Variants in CAPN13 observed in about 807,000 individuals in gnomAD.
The protein encoded by CAPN13 is calpain 13.
In CAPN13, 90 loss-of-function variants were observed where a neutral mutation model predicts 98.4. The ratio of observed to expected loss-of-function variants is 0.92; its 90% confidence interval spans 0.77 to 1.09. CAPN13 has a LOEUF of 1.09. Ranked by LOEUF, CAPN13 falls within the 50% of genes least tolerant of loss-of-function variation. The probability of loss-of-function intolerance (pLI) is 0.00; values close to 1 mark genes in which losing one functional copy is unlikely to be tolerated. For missense variants in CAPN13, 887 were observed against 841.3 expected (o/e 1.05, Z -0.67); for synonymous variants, 330 against 305.5 (o/e 1.08, Z -0.84).
chr2:30,775,005 T>C (rs1230194244), intron 4 of CAPN13, among the ~76,000 whole-genome samples: 1 of 152,204 alleles, frequency 6.6e-6, no homozygotes, highest in Non-Finnish European at 1.5e-5. Context: ...TCTGAGGTTC[T>C]AGCTAATGTG....
At chr2:30,796,611 TAGC>T (rs1674897277) in intron 1 of CAPN13, among the ~76,000 whole-genome samples, 2 of 152,132 alleles carry the variant, frequency 1.3e-5, no homozygotes, top group Admixed American at 1.3e-4. Context: ...ACCAAGCAGA[TAGC>T]AGAATCAAAA....
chr2:30,769,958 C>T (rs1673313829), intron 5 of CAPN13, among the ~76,000 whole-genome samples: 1 of 152,228 alleles, frequency 6.6e-6, no homozygotes. Flanking sequence ...CACCTCCACA[C>T]AGCCTCAGCC....
intron 2 of CAPN13, among the ~76,000 whole-genome samples, chr2:30,779,933 C>A (rs997436603): frequency 6.6e-6 from 1 of 152,032 alleles, no homozygotes; most frequent in Non-Finnish European, 1.5e-5. Flanking sequence ...ATAGACCCAA[C>A]CTTTGGCAAA....
At chr2:30,755,163 G>C (rs548529249) in intron 8 of CAPN13, among the ~76,000 whole-genome samples, 104 of 149,078 alleles carry the variant, frequency 7.0e-4, no homozygotes, top group African/African-American at 2.5e-3. Context: ...TGCTCCCCCT[G>C]CACCTGGCGC....
rs116817110 is a variant in CAPN13 at position 30,737,777 on chromosome 2, G to A, written c.1653+458C>T. Reference sequence around the variant, plus strand: ...AAATAGTTCCCAACGGTGCTATAAAGGGGCGGTTTAGGATAAGGTTAGAGC... The same window carrying A: ...AAATAGTTCCCAACGGTGCTATAAAAGGGCGGTTTAGGATAAGGTTAGAGC... On this transcript the variant is annotated intron_variant, in intron 17 of 22. Coordinates refer to ENST00000295055, the MANE Select transcript of CAPN13 (RefSeq NM_144575.3). 4.7e-3 allele frequency: 786 copies of A among 166,964 alleles called. 11 individuals are homozygous for A. The highest frequency in any genetic ancestry group is 0.018 in the African/African-American group (741 of 42,094). 10.3% of individuals were successfully genotyped at this position (166,964 alleles called of 1,614,324 possible).
At chr2:30,781,429 A>G (rs1283302717) in intron 2 of CAPN13, among the ~76,000 whole-genome samples, 1 of 152,104 alleles carries the variant, frequency 6.6e-6, no homozygotes, top group African/African-American at 2.4e-5. Context: ...TTGGCTAAAC[A>G]TTACTTCTGG....
intron 22 of CAPN13, chr2:30,729,916 G>C (rs1188228839): frequency 6.6e-6 from 1 of 152,234 alleles, no homozygotes; most frequent in Non-Finnish European, 1.5e-5. Flanking sequence ...AATAATTAAA[G>C]AAGACAGGCT....
At chr2:30,737,918 T>C (rs1486994050) in intron 17 of CAPN13, 9 of 381,810 alleles carry the variant, frequency 2.4e-5, no homozygotes, top group East Asian at 5.6e-5. Context: ...TACTGTATTA[T>C]GAGATGATAC....
At position 30,770,442 on chromosome 2, in the gene CAPN13, T is replaced by A. The variant is rs200944264; in HGVS notation, c.395A>T (p.Gln132Leu). 1,249 of 1,613,688 alleles carry A rather than the reference T, an allele frequency of 7.7e-4. No individual in the cohort carries two copies. Among genetic ancestry groups the A allele is most frequent in the Non-Finnish European group, 1.0e-3 (1,194 of 1,179,750 alleles). ...CACCACTTCCACCCACTGGCCACAT[T>A]GCCAGAACTGGAAGAGAGCCAAGCA... ...YAGIFRFRFWQCGQWVEVVID... is the reference protein window; with the variant it reads ...YAGIFRFRFWLCGQWVEVVID... The change falls in exon 5 of 23, where the codon CAA becomes CTA. Residue 132 changes from glutamine to leucine, a missense_variant. Gln to Leu is a moderately radical substitution (Grantham distance 113). Coordinates refer to ENST00000295055, the MANE Select transcript of CAPN13 (RefSeq NM_144575.3).
chr2:30,800,859 A>G (rs1399715706), intron 1 of CAPN13, among the ~76,000 whole-genome samples: 1 of 152,198 alleles, frequency 6.6e-6, no homozygotes, highest in East Asian at 1.9e-4. Context: ...ACTATATTCT[A>G]AGGATGAGGT....
chr2:30,786,189 T>C (rs1314238423), intron 2 of CAPN13, among the ~76,000 whole-genome samples: 1 of 152,204 alleles, frequency 6.6e-6, no homozygotes, highest in Non-Finnish European at 1.5e-5. Context: ...CTACCTTCAC[T>C]TTATGGGAAG....
chr2:30,775,462 CT>C (rs1411338861), intron 4 of CAPN13, among the ~76,000 whole-genome samples: 4 of 151,332 alleles, frequency 2.6e-5, no homozygotes, highest in African/African-American at 9.8e-5. Context: ...ATCACAGTGG[CT>C]TTTTTTAAAA....
Position 30,736,651 on chromosome 2 carries a change from G to C in CAPN13, c.1654-80C>G, listed in dbSNP as rs549402258. 2.3e-5 allele frequency: 30 copies of C among 1,317,384 alleles called. No individual in the cohort carries two copies. In the African/African-American group the frequency reaches 3.8e-4, roughly 16 times the overall value. The allele number at this position is 1,317,384 out of a possible 1,614,324, so 81.6% of individuals were successfully genotyped here. On this transcript the variant is annotated intron_variant, in intron 17 of 22. Coordinates refer to ENST00000295055, the MANE Select transcript of CAPN13 (RefSeq NM_144575.3). ...CATCCTGCCAACAAAGCCAGAGCAG[G>C]CCCATTCATCACTAGCAACACAGCT... is the stretch of plus-strand genomic sequence containing the variant.
intron 15 of CAPN13, among the ~76,000 whole-genome samples, chr2:30,740,071 C>CATTGTATTAGG: frequency 7.0e-6 from 1 of 143,304 alleles, no homozygotes; most frequent in African/African-American, 2.6e-5. Flanking sequence ...AGTATCAAGT[C>CATTGTATTAGG]ATTGTATTAG....
At position 30,743,578 on chromosome 2, in the gene CAPN13, C is replaced by G; in HGVS notation, c.1250G>C (p.Arg417Pro). The G allele has an allele frequency of 6.2e-7, 1 of 1,613,870 alleles. No individual in the cohort carries two copies. The highest frequency in any genetic ancestry group is 8.5e-7 in the Non-Finnish European group (1 of 1,179,806). Residue 417 changes from arginine (R) to proline (P), a missense_variant and splice_region_variant, in exon 13 of 23, where the codon CGG (arginine) becomes CCG (proline). Transcript: ENST00000295055. ...DFQVILAGSQ[R>P]FREKFPPVFF... The stretch of plus-strand genomic sequence containing the variant: ...CACGGGTGGAAATTTCTCCCGGAAC[C>G]GCTGGAATTAGAGGAAACACAATGA...
intron 7 of CAPN13, among the ~76,000 whole-genome samples, chr2:30,760,615 C>T (rs1170430576): frequency 6.6e-6 from 1 of 152,220 alleles, no homozygotes; most frequent in African/African-American, 2.4e-5. Flanking sequence ...GGAGGATGAG[C>T]AGATTAAAAA....
Position 30,743,764 on chromosome 2 carries a change from T to G in CAPN13, c.1249-185A>C, listed in dbSNP as rs1323106300. On this transcript the variant is annotated intron_variant, in intron 12 of 22. Transcript: ENST00000295055. The stretch of plus-strand genomic sequence containing the variant: ...CAGTAGTGTTTAGCCTGTCATTTCA[T>G]CTAGACCCTGGACACAATGGATGCA... 8 of 700,930 alleles carry G rather than the reference T, an allele frequency of 1.1e-5. No homozygotes were observed. The East Asian group carries it at 2.2e-4, about 19-fold the overall frequency. The allele number at this position is 700,930 out of a possible 1,614,324, so 43.4% of individuals were successfully genotyped here. A position where few individuals can be genotyped will look rare whatever the true frequency, so the allele number is the denominator to read the frequency against.
At chr2:30,774,408 C>T (rs577760467) in intron 4 of CAPN13, among the ~76,000 whole-genome samples, 42 of 151,824 alleles carry the variant, frequency 2.8e-4, no homozygotes, top group Admixed American at 9.2e-4. Context: ...CACAACAGAT[C>T]GACTGGATAA....
chr2:30,728,475 T>C lies in CAPN13; in HGVS notation c.*30+2255A>G, dbSNP rs536141113. On this transcript the variant is annotated intron_variant, in intron 22 of 22. Transcript: ENST00000295055. ...GGCTAAGACATAAAGGATCAGGAGT[T>C]TGGTGACTGACAGCCAAGACAGAGC... Among the ~76,000 whole-genome samples, 7 of 152,108 alleles carry C rather than the reference T, an allele frequency of 4.6e-5. No homozygotes were observed. The East Asian group carries it at 1.4e-3, about 29-fold the overall frequency.
Sources: gnomAD v4.1 joint callset for allele counts (sites outside exome capture counted in the v4.1 genomes callset) on GRCh38, gnomAD v4.1.1 for gene constraint, MANE v1.5 for transcripts, NCBI Gene and HGNC (gene_info 2026-07-23, HGNC 2026-07-21) for gene names.